Variants in CHD1L observed in about 807,000 individuals in gnomAD.
The protein encoded by CHD1L is ATP-dependent chromatin remodeler CHD1L.
In CHD1L, 118 loss-of-function variants were observed where a neutral mutation model predicts 115.9. The ratio of observed to expected loss-of-function variants is 1.02; its 90% CI spans 0.88 to 1.19. The LOEUF (loss-of-function observed/expected upper bound fraction) is 1.19. Ranked by LOEUF, CHD1L falls within the 50% of genes most tolerant of loss-of-function variation. CHD1L has a pLI of 0.00. For missense variants in CHD1L, 1,179 were observed against 1,065.3 expected (o/e 1.11, Z -1.49); for synonymous variants, 411 against 387.1 (o/e 1.06, Z -0.72).
At chr1:147,257,155 G>A (rs1571732133) in intron 5 of CHD1L, among the ~76,000 whole-genome samples, 1 of 152,100 alleles carries the variant, frequency 6.6e-6, no homozygotes, top group African/African-American at 2.4e-5. Context: ...ATTAAATAAG[G>A]GCTAGAGTTT....
At chr1:147,204,227 T>C in the CHD1L span, 18 of 1,370,558 alleles carry the variant, frequency 1.3e-5, no homozygotes, top group East Asian at 3.9e-4. Flanking sequence ...TATTTTTGCA[T>C]CTTTGACAGA....
the CHD1L span, chr1:147,184,385 T>TA: frequency 8.4e-7 from 1 of 1,197,028 alleles, no homozygotes; most frequent in South Asian, 2.4e-5. This position sits in a 1 kb window ranked among gnomAD's most constrained non-coding sequence, Gnocchi z 4.4. Flanking sequence ...CCAATATTGA[T>TA]ACATTATTAA....
chr1:147,282,373 G>T (rs745949390), intron 15 of CHD1L, among the ~76,000 whole-genome samples: 4 of 152,090 alleles, frequency 2.6e-5, no homozygotes, highest in Non-Finnish European at 5.9e-5. Flanking sequence ...TGCTCTTTGG[G>T]GTGCAGATCT....
intron 15 of CHD1L, among the ~76,000 whole-genome samples, chr1:147,281,593 T>C (rs1388461757): frequency 2.0e-5 from 3 of 152,208 alleles, no homozygotes; most frequent in African/African-American, 2.4e-5. Context: ...TATAAAAATA[T>C]CTTGTTTGTA....
intron 12 of CHD1L, chr1:147,272,525 C>T (rs1437560313): frequency 5.9e-6 from 2 of 337,256 alleles, no homozygotes; most frequent in African/African-American, 2.1e-5. Flanking sequence ...TCTGCTTTGA[C>T]CATTGACCTG....
At chr1:147,240,025 A>G (rs1664723764), upstream of CHD1L, among the ~76,000 whole-genome samples, 2 of 152,214 alleles carry the variant, frequency 1.3e-5, no homozygotes. Flanking sequence ...CCCAAGCAGG[A>G]AAGCTGCTGT....
chr1:147,280,019 A>G lies in CHD1L; in HGVS notation c.1540-7A>G, dbSNP rs374473153. 6.2e-7 allele frequency: 1 copy of G among 1,613,536 alleles called. No individual in the cohort carries two copies. On this transcript the variant is annotated splice_region_variant and splice_polypyrimidine_tract_variant and intron_variant, in intron 14 of 22. Coordinates refer to ENST00000369258, the MANE Select transcript of CHD1L (RefSeq NM_004284.6). ...TTTGCTGGACTTTTTTGTTTCCTCTATTCAAGTTGAGTGAGATACTCAAAT... is the reference window on the plus strand; with the variant it reads ...TTTGCTGGACTTTTTTGTTTCCTCTGTTCAAGTTGAGTGAGATACTCAAAT...
chr1:147,251,242 T>C (rs1459901712), intron 1 of CHD1L, among the ~76,000 whole-genome samples: 1 of 152,184 alleles, frequency 6.6e-6, no homozygotes, highest in Non-Finnish European at 1.5e-5. Context: ...ACTGTCAGAC[T>C]GGGATATATA....
the CHD1L span, among the ~76,000 whole-genome samples, chr1:147,179,807 T>C: frequency 6.6e-6 from 1 of 152,124 alleles, no homozygotes; most frequent in Non-Finnish European, 1.5e-5. Flanking sequence ...GTTATGGAAA[T>C]ACCAGGACCA....
At chr1:147,287,598 C>T (rs587709930) in intron 18 of CHD1L, 37 bp from the exon 19 acceptor site, 6 of 1,504,642 alleles carry the variant, frequency 4.0e-6, no homozygotes, top group African/African-American at 2.8e-5. Flanking sequence ...CTGGACTTCA[C>T]CTCCTATAGA....
At chr1:147,190,338 A>G in the CHD1L span, 2 of 827,428 alleles carry the variant, frequency 2.4e-6, no homozygotes, top group Non-Finnish European at 3.9e-6. Context: ...GGAGAATTCA[A>G]AGAAATACAG....
chr1:147,273,464 C>T (rs782118815), intron 12 of CHD1L, among the ~76,000 whole-genome samples: 21 of 152,154 alleles, frequency 1.4e-4, no homozygotes, highest in Admixed American at 2.0e-4. Flanking sequence ...TGTTTTATCT[C>T]CCTAATAAAA....
chr1:147,278,330 T>C (rs1679405560), intron 14 of CHD1L, among the ~76,000 whole-genome samples: 1 of 136,280 alleles, frequency 7.3e-6, no homozygotes, highest in African/African-American at 2.7e-5. Flanking sequence ...GTTCAAGCAA[T>C]TCTCCTGCCT....
At chr1:147,208,935 G>A in the CHD1L span, 1 of 1,613,984 alleles carries the variant, frequency 6.2e-7, no homozygotes, top group East Asian at 2.2e-5. Context: ...CTAATGATTG[G>A]CCACAGATCT....
the CHD1L span, chr1:147,175,527 T>C: frequency 6.6e-6 from 1 of 152,088 alleles, no homozygotes; most frequent in South Asian, 2.1e-4. Flanking sequence ...TCACCAGAGA[T>C]GATGGTTTTA....
At chr1:147,234,042 T>C in the CHD1L span, among the ~76,000 whole-genome samples, 4 of 152,236 alleles carry the variant, frequency 2.6e-5, no homozygotes, top group Admixed American at 1.3e-4. Flanking sequence ...ACTATTGTCC[T>C]ATGACCCTGC....
At chr1:147,271,688 C>G (rs192229983) in intron 11 of CHD1L, among the ~76,000 whole-genome samples, 1 of 152,252 alleles carries the variant, frequency 6.6e-6, no homozygotes, top group Admixed American at 6.5e-5. Context: ...TCCCCAGATG[C>G]ATAAACAGCC....
At chr1:147,223,941 T>A in the CHD1L span, 1 of 377,028 alleles carries the variant, frequency 2.7e-6, no homozygotes, top group Non-Finnish European at 5.2e-6. Context: ...GATACCCCCA[T>A]CGAGACACCA....
chr1:147,266,189 G>T, intron 8 of CHD1L, 102 bp downstream of exon 8: 1 of 1,129,440 alleles, frequency 8.9e-7, no homozygotes. Context: ...CCAAGAATAT[G>T]GGATGGAATT....
Sources: gnomAD v4.1 joint callset for allele counts (sites outside exome capture counted in the v4.1 genomes callset) on GRCh38, gnomAD v4.1.1 for gene constraint, Gnocchi (gnomAD v3.1) non-coding constraint, MANE v1.5 for transcripts, NCBI Gene and HGNC (gene_info 2026-07-23, HGNC 2026-07-21) for gene names.